NCOR2: variants seen among roughly 807,000 people sequenced by gnomAD.
NCOR2 encodes the protein CTG repeat protein 26.
In NCOR2, 81 loss-of-function variants were observed where a neutral mutation model predicts 262.9. The ratio of observed to expected loss-of-function variants is 0.31; its 90% CI spans 0.26 to 0.37. The LOEUF (loss-of-function observed/expected upper bound fraction) is 0.37, where lower values mean the gene tolerates loss of function less well. Among genes scored for constraint, NCOR2 ranks in the 10% least tolerant of loss-of-function variants. The pLI, the probability that NCOR2 is intolerant of heterozygous loss-of-function variation, is 1.00. For missense variants in NCOR2, 3,385 were observed against 3,621.4 expected (o/e 0.93, Z 1.68); for synonymous variants, 1,659 against 1,559.3 (o/e 1.06, Z -1.51).
chr12:124,499,973 G>A (rs569311415), upstream of NCOR2, among the ~76,000 whole-genome samples: 1 of 152,104 alleles, frequency 6.6e-6, no homozygotes, highest in African/African-American at 2.4e-5. Context: ...GACTCTGCAG[G>A]CCGAGGAAAC....
Position 124,443,850 on chromosome 12 carries a change from T to G in NCOR2, c.816-5854A>C, listed in dbSNP as rs1319848466. On this transcript the variant is annotated intron_variant, in intron 7 of 46. Transcript: ENST00000405201. This position sits in a 1 kb window ranked among gnomAD's most constrained non-coding sequence, Gnocchi z 4.4. ...ATTGCCAGCACTGAAAACCAGAGGC[T>G]GTTACACAAAAAGCCAAACCTAAAG... is the stretch of plus-strand genomic sequence containing the variant. Among the ~76,000 whole-genome samples, 1 of 152,164 alleles carries G rather than the reference T, an allele frequency of 6.6e-6. No individual in the cohort carries two copies.
rs76922435 is a variant in NCOR2, at chr12:124,483,198, G to A, written c.411+398C>T. Among the ~76,000 whole-genome samples, 2,561 of 152,106 alleles carry A rather than the reference G, an allele frequency of 0.017. 68 individuals are homozygous for A. The highest frequency in any genetic ancestry group is 0.058 in the African/African-American group (2,424 of 41,468). Reference sequence around the variant, plus strand: ...CCACCCTCGAGGAAGCTCTCAGAATGTGCTGAAAGCTGCCCACCGACCACA... The same window carrying A: ...CCACCCTCGAGGAAGCTCTCAGAATATGCTGAAAGCTGCCCACCGACCACA... On this transcript the variant is annotated intron_variant, in intron 3 of 46. Transcript: ENST00000405201. This position sits in a 1 kb window ranked among gnomAD's most constrained non-coding sequence, Gnocchi z 6.3.
intron 20 of NCOR2, among the ~76,000 whole-genome samples, chr12:124,366,516 TA>T (rs572825547): frequency 2.6e-5 from 4 of 152,136 alleles, no homozygotes; most frequent in Non-Finnish European, 4.4e-5. Flanking sequence ...AACTGAATGA[TA>T]CACGTTTTTT....
intron 21 of NCOR2, 60 bp from the exon 24 acceptor site, chr12:124,362,357 G>A: frequency 7.6e-7 from 1 of 1,321,886 alleles, no homozygotes. Context: ...ACAGGGTCAG[G>A]GAGAGACATG....
At chr12:124,356,591 C>G (rs2037974676) in intron 23 of NCOR2, 51 bp downstream of exon 25, 2 of 1,380,966 alleles carry the variant, frequency 1.4e-6, no homozygotes, top group Non-Finnish European at 1.9e-6. Context: ...ACAGTGCAAA[C>G]AGCGATTGTG....
chr12:124,426,535 T>G, intron 11 of NCOR2, 87 bp downstream of exon 13: 2 of 1,319,038 alleles, frequency 1.5e-6, no homozygotes, highest in Non-Finnish European at 2.0e-6. Context: ...GGCATGCTCA[T>G]TTGTGGTGGC....
chr12:124,553,168 T>A (rs1202751954), intron 1 of NCOR2, among the ~76,000 whole-genome samples: 1 of 152,130 alleles, frequency 6.6e-6, no homozygotes, highest in East Asian at 1.9e-4. Flanking sequence ...TTCTCCATCC[T>A]CAAAGCCAGC....
At chr12:124,533,739 G>A (rs1001724570) in intron 1 of NCOR2, among the ~76,000 whole-genome samples, 1 of 152,102 alleles carries the variant, frequency 6.6e-6, no homozygotes, top group African/African-American at 2.4e-5. Flanking sequence ...TCTGAGAAAC[G>A]CACGGGAGCT....
chr12:124,457,228 G>A lies in NCOR2; in HGVS notation c.706-66C>T. The A allele has an allele frequency of 3.4e-6, 5 of 1,476,762 alleles. No individual in the cohort carries two copies. In the South Asian group the frequency reaches 6.7e-5, roughly 20 times the overall value. The allele number at this position is 1,476,762 out of a possible 1,614,324, so 91.5% of individuals were successfully genotyped here. A position where few individuals can be genotyped will look rare whatever the true frequency, so the allele number is the denominator to read the frequency against. ...CAAAAAAACACAGATTATAAATAGA[G>A]GCTTCCCGGAGCAGCGGGCACCTGC... is the stretch of plus-strand genomic sequence containing the variant. On this transcript the variant is annotated intron_variant, in intron 5 of 46. Coordinates refer to ENST00000405201, the Ensembl canonical transcript of NCOR2. This position sits in a 1 kb window ranked among gnomAD's most constrained non-coding sequence, Gnocchi z 4.0.
intron 16 of NCOR2, among the ~76,000 whole-genome samples, chr12:124,387,720 C>T (rs998877695): frequency 9.8e-5 from 15 of 152,378 alleles, no homozygotes; most frequent in South Asian, 4.1e-4. Flanking sequence ...TCCCTCCGCC[C>T]GCGCCAGCAG....
At position 124,354,610 on chromosome 12, in the gene NCOR2, C is replaced by T. The variant is rs567189053; in HGVS notation, c.3485-28G>A. 41 of 1,498,810 alleles carry T rather than the reference C, an allele frequency of 2.7e-5. 1 individual carries two copies. The South Asian group carries it at 2.8e-4, about 10-fold the overall frequency. The allele number at this position is 1,498,810 out of a possible 1,614,324, so 92.8% of individuals were successfully genotyped here. A position where few individuals can be genotyped will look rare whatever the true frequency, so the allele number is the denominator to read the frequency against. On this transcript the variant is annotated intron_variant, in intron 25 of 46. Transcript: ENST00000405201. ...GAGGACCAGTAAGAGGAGCGAGTCACGTGCTGCCGGAGCAGGGTCCCGGGA... is the reference window on the plus strand; with the variant it reads ...GAGGACCAGTAAGAGGAGCGAGTCATGTGCTGCCGGAGCAGGGTCCCGGGA...
chr12:124,359,668 G>A (rs765629056), intron 22 of NCOR2, among the ~76,000 whole-genome samples: 1 of 152,244 alleles, frequency 6.6e-6, no homozygotes, highest in Non-Finnish European at 1.5e-5. Context: ...CAGTTCCAGA[G>A]AGTTGGGAGA....
intron 2 of NCOR2, among the ~76,000 whole-genome samples, chr12:124,485,095 T>C (rs1342312416): frequency 1.3e-5 from 2 of 152,254 alleles, no homozygotes; most frequent in Admixed American, 6.5e-5. Flanking sequence ...ACATGGGGCT[T>C]GGCAGGAAGC....
At chr12:124,540,468 G>A (rs2051259129), upstream of NCOR2, among the ~76,000 whole-genome samples, 2 of 32,982 alleles carry the variant, frequency 6.1e-5, no homozygotes, top group Admixed American at 7.0e-4. Context: ...GAGGTGGAGA[G>A]CTGGAGGGGG....
intron 16 of NCOR2, among the ~76,000 whole-genome samples, chr12:124,392,128 C>T (rs900046760): frequency 2.0e-5 from 3 of 152,252 alleles, no homozygotes; most frequent in Admixed American, 6.5e-5. Context: ...ACTACCGCAT[C>T]GACCGCCAGG....
chr12:124,461,449 G>C (rs550680920), intron 5 of NCOR2, among the ~76,000 whole-genome samples: 6 of 152,372 alleles, frequency 3.9e-5, no homozygotes, highest in African/African-American at 1.2e-4. Context: ...GAGACTCTGG[G>C]TCTGCGTGGC....
At chr12:124,455,394 G>C (rs918623008) in intron 6 of NCOR2, among the ~76,000 whole-genome samples, 6 of 152,226 alleles carry the variant, frequency 3.9e-5, no homozygotes, top group Admixed American at 2.0e-4. Flanking sequence ...GTGCCTGGAG[G>C]GGGCAGAGCC....
At position 124,334,570 on chromosome 12, in the gene NCOR2, G is replaced by A. The variant is rs749041664; in HGVS notation, c.6459C>T (p.Ser2153=). The A allele has an allele frequency of 1.8e-5, 25 of 1,411,458 alleles. No individual in the cohort carries two copies. The highest frequency in any genetic ancestry group is 2.8e-5 in the East Asian group (1 of 36,264). The allele number at this position is 1,411,458 out of a possible 1,614,324, so 87.4% of individuals were successfully genotyped here. Residue 2153 remains serine (S), a synonymous_variant, in exon 41 of 47, where the codon AGC becomes AGT. Coordinates refer to ENST00000405201, the Ensembl canonical transcript of NCOR2. ...AGTAGAGGGGGGCGGGCAGGGGTGC[G>A]CTGAGCTGCTGTGGGTGGTGCCGGG... is the stretch of plus-strand genomic sequence containing the variant.
Position 124,483,687 on chromosome 12 carries a change from C to T in NCOR2, c.320G>A (p.Arg107His), listed in dbSNP as rs1372001604. The T allele has an allele frequency of 1.9e-6, 3 of 1,611,732 alleles. No individual in the cohort carries two copies. The highest frequency in any genetic ancestry group is 2.5e-6 in the Non-Finnish European group (3 of 1,179,158). Reference sequence around the variant, plus strand: ...GTCAGGCAGCAGCTCTAGCCGAGGGCGCTTGCTTTCAATGAACTCCATCTC... The same window carrying T: ...GTCAGGCAGCAGCTCTAGCCGAGGGTGCTTGCTTTCAATGAACTCCATCTC... The change falls in exon 3 of 47, where the codon CGC becomes CAC. Residue 107 changes from arginine (R) to histidine (H), a missense_variant. Around this residue, in one of 5 missense-constraint regions of NCOR2, gnomAD observed 237 missense variants for 229.4 expected, o/e 1.03. Transcript: ENST00000405201. The surrounding 1 kb of genome is among the most constrained non-coding windows in gnomAD (Gnocchi z 6.3).
Sources: gnomAD v4.1 joint callset for allele counts (sites outside exome capture counted in the v4.1 genomes callset) on GRCh38, gnomAD v4.1.1 for gene constraint, gnomAD v4.1.1 regional missense constraint, Gnocchi (gnomAD v3.1) non-coding constraint, MANE v1.5 for transcripts, NCBI Gene and HGNC (gene_info 2026-07-23, HGNC 2026-07-21) for gene names.